Variants in KLF12 observed in about 807,000 individuals in gnomAD.
KLF12 encodes KLF transcription factor 12.
A neutral mutation model predicts 37.8 loss-of-function variants in KLF12; 9 were observed. That is an observed-to-expected ratio of 0.24 (90% CI 0.14 to 0.42). KLF12 has a LOEUF of 0.42. Among genes scored for constraint, KLF12 ranks in the 10% least tolerant of loss-of-function variants. KLF12 has a pLI of 1.00. For missense variants in KLF12, 411 were observed against 516.0 expected, an observed-to-expected ratio of 0.80 and a Z score of 1.97; for synonymous variants, 208 against 202.1, an observed-to-expected ratio of 1.03 and a Z score of -0.25.
the KLF12 span, among the ~76,000 whole-genome samples, chr13:74,202,926 A>T: frequency 6.6e-6 from 1 of 152,116 alleles, no homozygotes; most frequent in African/African-American, 2.4e-5. Context: ...AGGCAGCAAG[A>T]CCAGCATGTT....
intron 3 of KLF12, among the ~76,000 whole-genome samples, chr13:73,890,180 A>T (rs949430206): frequency 6.6e-6 from 1 of 152,050 alleles, no homozygotes. Context: ...CTCCCACCCA[A>T]CACTGTATTC....
intron 6 of KLF12, among the ~76,000 whole-genome samples, chr13:73,752,879 T>C (rs1161553871): frequency 6.6e-6 from 1 of 151,780 alleles, no homozygotes; most frequent in Admixed American, 6.6e-5. Flanking sequence ...ACCATCATTA[T>C]GTATTTTTTT....
intron 5 of KLF12, among the ~76,000 whole-genome samples, chr13:73,782,494 T>G (rs572402258): frequency 1.3e-5 from 2 of 152,232 alleles, no homozygotes; most frequent in Non-Finnish European, 2.9e-5. Context: ...ACTCCCAAAT[T>G]GTACCTAACT....
intron 3 of KLF12, among the ~76,000 whole-genome samples, chr13:73,887,424 GT>G (rs766300709): frequency 2.0e-4 from 30 of 152,260 alleles, no homozygotes; most frequent in African/African-American, 6.0e-4. Context: ...CTTGCCATGA[GT>G]TCACAGGAGA....
intron 6 of KLF12, among the ~76,000 whole-genome samples, chr13:73,740,718 T>G (rs950068634): frequency 6.6e-6 from 1 of 152,190 alleles, no homozygotes; most frequent in Non-Finnish European, 1.5e-5. Context: ...AAATGTTCTT[T>G]TATCTCAAGA....
chr13:74,027,183 AC>A (rs1393783146), intron 1 of KLF12, among the ~76,000 whole-genome samples: 1 of 152,232 alleles, frequency 6.6e-6, no homozygotes, highest in Non-Finnish European at 1.5e-5. Context: ...TTAAAAAACA[AC>A]CTACCTTACA....
chr13:73,848,340 A>C (rs1262472388), intron 3 of KLF12, among the ~76,000 whole-genome samples: 1 of 152,058 alleles, frequency 6.6e-6, no homozygotes, highest in Non-Finnish European at 1.5e-5. Context: ...CTTATCTGTA[A>C]GGAGATTGCT....
At chr13:74,147,766 T>C in the KLF12 span, among the ~76,000 whole-genome samples, 1 of 152,110 alleles carries the variant, frequency 6.6e-6, no homozygotes, top group African/African-American at 2.4e-5. Context: ...ACAGCTCAGC[T>C]ACCCATCTTC....
At chr13:74,051,283 T>C (rs930702323) in intron 1 of KLF12, among the ~76,000 whole-genome samples, 1 of 151,898 alleles carries the variant, frequency 6.6e-6, no homozygotes, top group African/African-American at 2.4e-5. Flanking sequence ...CCAAGCTAAC[T>C]GTCCATCAAT....
chr13:73,732,796 A>G (rs1877167020), intron 6 of KLF12, among the ~76,000 whole-genome samples: 1 of 151,966 alleles, frequency 6.6e-6, no homozygotes, highest in Non-Finnish European at 1.5e-5. Context: ...TATATCTTTT[A>G]GGCCTTCCAC....
intron 1 of KLF12, among the ~76,000 whole-genome samples, chr13:74,015,756 T>A (rs1892672336): frequency 6.6e-6 from 1 of 152,212 alleles, no homozygotes; most frequent in African/African-American, 2.4e-5. Context: ...TGACTCCCTT[T>A]CTTCCCAAGG....
intron 1 of KLF12, among the ~76,000 whole-genome samples, chr13:74,099,572 T>G (rs61421025): frequency 1.3e-5 from 2 of 151,976 alleles, no homozygotes; most frequent in Non-Finnish European, 2.9e-5. Flanking sequence ...CACATACATA[T>G]AATCAAACTG....
At chr13:74,105,570 GA>G (rs1876607650) in intron 1 of KLF12, among the ~76,000 whole-genome samples, 1 of 152,060 alleles carries the variant, frequency 6.6e-6, no homozygotes, top group Non-Finnish European at 1.5e-5. Context: ...GGGTAGAGAA[GA>G]GGGGAAAAGA....
chr13:73,734,433 A>G (rs1442027707), intron 6 of KLF12, among the ~76,000 whole-genome samples: 1 of 152,200 alleles, frequency 6.6e-6, no homozygotes, highest in Non-Finnish European at 1.5e-5. Context: ...TACCTAAAAC[A>G]GTGCCAAGCA....
At chr13:73,789,746 C>T (rs962438924) in intron 5 of KLF12, among the ~76,000 whole-genome samples, 38 of 151,716 alleles carry the variant, frequency 2.5e-4, no homozygotes, top group Middle Eastern at 3.4e-3. Context: ...GTGCCATCTC[C>T]GCTCACTGCA....
At chr13:74,097,706 A>G (rs1022863340) in intron 1 of KLF12, among the ~76,000 whole-genome samples, 5 of 148,964 alleles carry the variant, frequency 3.4e-5, no homozygotes, top group East Asian at 1.9e-4. Context: ...ACATATATAT[A>G]TATGTATTTG....
the KLF12 span, among the ~76,000 whole-genome samples, chr13:74,213,639 C>T: frequency 1.4e-5 from 2 of 146,674 alleles, no homozygotes; most frequent in African/African-American, 5.0e-5. Flanking sequence ...CCCTTCTTTC[C>T]TCCCTTCCTT....
At chr13:74,249,379 C>CATACACACAT in the KLF12 span, among the ~76,000 whole-genome samples, 1 of 138,474 alleles carries the variant, frequency 7.2e-6, no homozygotes, top group Non-Finnish European at 1.5e-5. Context: ...CACACACACA[C>CATACACACAT]GCACACCCTC....
chr13:74,019,551 C>A (rs1029585742), intron 1 of KLF12, among the ~76,000 whole-genome samples: 11 of 152,296 alleles, frequency 7.2e-5, no homozygotes, highest in African/African-American at 2.6e-4. Context: ...AAGTCCCTTG[C>A]AACAAAAACT....
Sources: allele counts gnomAD v4.1 joint callset (sites outside exome capture counted in the v4.1 genomes callset), GRCh38; gene constraint gnomAD v4.1.1; transcripts MANE v1.5; gene names NCBI Gene and HGNC (gene_info 2026-07-23, HGNC 2026-07-21).